Variants in ITGAV observed in about 807,000 individuals in gnomAD.
The protein encoded by ITGAV is integrin subunit alpha V, also known as integrin alpha-V.
Under a neutral mutation model 143.8 loss-of-function variants are expected in ITGAV, and 76 were observed. The ratio of observed to expected loss-of-function variants is 0.53; its 90% CI spans 0.44 to 0.64. The LOEUF is 0.64. ITGAV is among the 30% of genes least tolerant of loss of function. ITGAV has a pLI of 0.00. For missense variants in ITGAV, 1,193 were observed against 1,274.7 expected (o/e 0.94, Z 0.98); for synonymous variants, 453 against 446.7 (o/e 1.01, Z -0.18).
At chr2:186,608,775 T>C (rs953533638) in intron 2 of ITGAV, among the ~76,000 whole-genome samples, 7 of 152,184 alleles carry the variant, frequency 4.6e-5, no homozygotes, top group Non-Finnish European at 1.0e-4. Context: ...TTTTGGGCTC[T>C]TCATGAAAAG....
chr2:186,649,855 C>G lies in ITGAV; in HGVS notation c.1367C>G (p.Ala456Gly), dbSNP rs200462398. The change falls in exon 14 of 30, where the codon GCT becomes GGT. Residue 456 changes from alanine to glycine, a missense_variant. Physicochemically the swap from Ala to Gly is moderately conservative, Grantham distance 60. Coordinates refer to ENST00000261023, the MANE Select transcript of ITGAV (RefSeq NM_002210.5). ...CTTTCTTAAGACTTAATTGTAGGAG[C>G]TTTTGGTGTAGATCGAGCTATCTTA... ...KNGYPDLIVG[A>G]FGVDRAILYR... 3 of 1,594,848 alleles carry G rather than the reference C, an allele frequency of 1.9e-6. No individual in the cohort carries two copies. The highest frequency in any genetic ancestry group is 2.6e-6 in the Non-Finnish European group (3 of 1,169,926).
At chr2:186,675,799 C>G (rs371229468) in intron 27 of ITGAV, 21 bp from the exon 28 acceptor site, 2 of 1,553,036 alleles carry the variant, frequency 1.3e-6, no homozygotes, top group Non-Finnish European at 1.8e-6. Context: ...GGGAAATCAT[C>G]TAATTGTTAT....
In ITGAV at chr2:186,667,561, A is replaced by G. The variant is rs570789480; in HGVS notation, c.2328-110A>G. 68 of 545,924 alleles carry G rather than the reference A, an allele frequency of 1.2e-4. No individual in the cohort carries two copies. The South Asian group carries it at 2.8e-3, about 22-fold the overall frequency. The allele number at this position is 545,924 out of a possible 1,614,324, so 33.8% of individuals were successfully genotyped here. ...TAGTTTTCTTTTAAAGTATTTTTTA[A>G]AATTAAATCTAATTTTATTTATTTG... On this transcript the variant is annotated intron_variant, in intron 23 of 29. Coordinates refer to ENST00000261023, the MANE Select transcript of ITGAV (RefSeq NM_002210.5).
Position 186,668,367 on chromosome 2 carries a change from A to G in ITGAV, c.2434-395A>G, listed in dbSNP as rs1054128178. Among the ~76,000 whole-genome samples the G allele has an allele frequency of 4.7e-5, 7 of 150,000 alleles. No homozygotes were observed. The South Asian group carries it at 1.5e-3, about 32-fold the overall frequency. ...CAGCTTGCTGAGTAGCTGGGATTAC[A>G]CGTGTGCACCACCATGCCCGGCTAA... On this transcript the variant is annotated intron_variant, in intron 24 of 29. Transcript: ENST00000261023.
intron 2 of ITGAV, among the ~76,000 whole-genome samples, chr2:186,604,698 C>T (rs193244310): frequency 6.6e-6 from 1 of 152,046 alleles, no homozygotes. Context: ...TGTTAATTTG[C>T]ATTTCTTTAA....
intron 12 of ITGAV, among the ~76,000 whole-genome samples, chr2:186,646,243 A>G (rs539809970): frequency 6.6e-6 from 1 of 152,302 alleles, no homozygotes; most frequent in Admixed American, 6.5e-5. Context: ...AAACAATACC[A>G]TCCATAAATA....
Position 186,590,292 on chromosome 2 carries a change from G to A in ITGAV, c.-47G>A, listed in dbSNP as rs200762760. The A allele has an allele frequency of 1.7e-3, 2,441 of 1,446,654 alleles. 4 individuals carry two copies. Among genetic ancestry groups the A allele is most frequent in the Non-Finnish European group, 2.0e-3 (2,179 of 1,098,472 alleles). 89.6% of individuals were successfully genotyped at this position (1,446,654 alleles called of 1,614,324 possible). ...CACTGGGCGCCTCGCTGGGGCGGGG[G>A]GAGGTGGCTACCGCTCCCGGCTTGG... On this transcript the variant is annotated 5_prime_UTR_variant, in exon 1 of 30. Coordinates refer to ENST00000261023, the MANE Select transcript of ITGAV (RefSeq NM_002210.5).
rs201229435 is a variant in ITGAV, at chr2:186,640,976, A to T, written c.956+9A>T. 4.1e-5 allele frequency: 61 copies of T among 1,470,396 alleles called. No homozygotes were observed. Among genetic ancestry groups the T allele is most frequent in the African/African-American group, 1.3e-4 (9 of 71,388 alleles). The allele number at this position is 1,470,396 out of a possible 1,614,324, so 91.1% of individuals were successfully genotyped here. ...GACATTAATGGAGATGAGTAAGTTT[A>T]AAAAAAAATGTTTCCAGAAAGTTAT... On this transcript the variant is annotated intron_variant, in intron 11 of 29. Transcript: ENST00000261023.
rs748413227 is a variant in ITGAV at position 186,636,090 on chromosome 2, A to G, written c.640A>G (p.Ile214Val). The G allele has an allele frequency of 1.2e-6, 2 of 1,612,622 alleles. No homozygotes were observed. The highest frequency in any genetic ancestry group is 2.2e-5 in the South Asian group (2 of 90,818). ...PGSFYWQGQLISDQVAEIVSK... is the reference protein window; with the variant it reads ...PGSFYWQGQLVSDQVAEIVSK... ...TATACACCCTTTTTTAGGTCAGCTT[A>G]TTTCGGATCAAGTGGCAGAAATCGT... The change falls in exon 7 of 30, where the codon ATT becomes GTT. Residue 214 changes from isoleucine (I) to valine (V), a missense_variant. Ile to Val is a conservative substitution (Grantham distance 29). Transcript: ENST00000261023.
chr2:186,601,934 CAA>C lies in ITGAV; in HGVS notation c.186-86_186-85del, dbSNP rs569517591. 83 of 1,311,078 alleles carry C rather than the reference CAA, an allele frequency of 6.3e-5. No individual in the cohort carries two copies. The East Asian group carries it at 1.6e-3, about 25-fold the overall frequency. The allele number at this position is 1,311,078 out of a possible 1,614,324, so 81.2% of individuals were successfully genotyped here. A position where few individuals can be genotyped will look rare whatever the true frequency, so the allele number is the denominator to read the frequency against. ...TTTAAAAAATATTTATAGATAATAT[CAA>C]GAGAATGATTGCTCCTCATAAATCA... On this transcript the variant is annotated intron_variant, in intron 1 of 29. Coordinates refer to ENST00000261023, the MANE Select transcript of ITGAV (RefSeq NM_002210.5).
intron 15 of ITGAV, among the ~76,000 whole-genome samples, chr2:186,653,049 C>G (rs1688484462): frequency 6.7e-6 from 1 of 150,186 alleles, no homozygotes; most frequent in Admixed American, 6.7e-5. Context: ...GGGTTCACGC[C>G]ATTCTCCTGC....
chr2:186,603,317 A>G (rs1304575561), intron 2 of ITGAV, among the ~76,000 whole-genome samples: 2 of 152,180 alleles, frequency 1.3e-5, no homozygotes, highest in Non-Finnish European at 2.9e-5. Context: ...ACTAAAATAT[A>G]TTGATTCTGG....
intron 3 of ITGAV, among the ~76,000 whole-genome samples, chr2:186,622,785 C>T (rs1243194937): frequency 5.3e-5 from 8 of 151,854 alleles, no homozygotes; most frequent in Non-Finnish European, 5.9e-5. Context: ...TTCCCTGAGA[C>T]GGAGTCTTGC....
At chr2:186,661,489 C>G (rs1383163052) in intron 18 of ITGAV, among the ~76,000 whole-genome samples, 1 of 152,052 alleles carries the variant, frequency 6.6e-6, no homozygotes, top group Non-Finnish European at 1.5e-5. Context: ...GTTTCCCTTT[C>G]TGCTCCCTAA....
intron 5 of ITGAV, among the ~76,000 whole-genome samples, chr2:186,632,575 G>T (rs1427720746): frequency 2.0e-5 from 3 of 152,082 alleles, no homozygotes; most frequent in Non-Finnish European, 4.4e-5. Context: ...GACACTTTTA[G>T]ATAGTTAAAT....
At position 186,613,474 on chromosome 2, in the gene ITGAV, C is replaced by T. The variant is rs190182271; in HGVS notation, c.317-8865C>T. Reference sequence around the variant, plus strand: ...ACTCTTTTTGTTTATTTTTGGGAAACAGCTGTATCTTATTTTATGTAAAAG... The same window carrying T: ...ACTCTTTTTGTTTATTTTTGGGAAATAGCTGTATCTTATTTTATGTAAAAG... On this transcript the variant is annotated intron_variant, in intron 2 of 29. Coordinates refer to ENST00000261023, the MANE Select transcript of ITGAV (RefSeq NM_002210.5). 3.2e-3 allele frequency among the ~76,000 whole-genome samples: 488 copies of T among 152,234 alleles called. 7 individuals are homozygous for T. The highest frequency in any genetic ancestry group is 0.011 in the African/African-American group (469 of 41,558).
At chr2:186,627,639 G>A (rs1209388300) in intron 4 of ITGAV, among the ~76,000 whole-genome samples, 1 of 152,056 alleles carries the variant, frequency 6.6e-6, no homozygotes, top group Non-Finnish European at 1.5e-5. Flanking sequence ...GCCTCTTTTT[G>A]TGAATAAAGT....
chr2:186,601,134 C>G lies in ITGAV; in HGVS notation c.186-887C>G, dbSNP rs188089449. On this transcript the variant is annotated intron_variant, in intron 1 of 29. Coordinates refer to ENST00000261023, the MANE Select transcript of ITGAV (RefSeq NM_002210.5). ...AAAATTTTACTCCTGATTATTGTGT[C>G]TTTGGTTTATTTTACCTTAATGACA... is the stretch of plus-strand genomic sequence containing the variant. Among the ~76,000 whole-genome samples the G allele has an allele frequency of 5.3e-4, 80 of 152,016 alleles. 1 individual carries two copies. Among genetic ancestry groups the G allele is most frequent in the Middle Eastern group, 3.4e-3 (1 of 294 alleles).
intron 20 of ITGAV, 61 bp downstream of exon 20, chr2:186,664,702 G>A: frequency 3.8e-6 from 6 of 1,594,342 alleles, no homozygotes; most frequent in Non-Finnish European, 5.2e-6. Context: ...ACATTAATGA[G>A]CTGTTCCCCT....
Sources: gnomAD v4.1 joint callset for allele counts (sites outside exome capture counted in the v4.1 genomes callset) on GRCh38, gnomAD v4.1.1 for gene constraint, MANE v1.5 for transcripts, NCBI Gene and HGNC (gene_info 2026-07-23, HGNC 2026-07-21) for gene names.